Variants in MMD2 observed in about 807,000 individuals in gnomAD.
The protein encoded by MMD2 is monocyte to macrophage differentiation factor 2.
In MMD2, 30 loss-of-function variants were observed where a neutral mutation model predicts 33.5. The ratio of observed to expected loss-of-function variants is 0.90; its 90% confidence interval spans 0.67 to 1.22. The LOEUF (loss-of-function observed/expected upper bound fraction) is 1.22, where lower values mean the gene tolerates loss of function less well. MMD2 is among the 50% of genes most tolerant of loss of function. The probability of loss-of-function intolerance (pLI) is 0.00; values close to 1 mark genes in which losing one functional copy is unlikely to be tolerated. For synonymous variants in MMD2, 129 were observed against 123.0 expected (o/e 1.05, Z -0.32); for missense variants, 364 against 325.4 (o/e 1.12, Z -0.91).
intron 4 of MMD2, among the ~76,000 whole-genome samples, chr7:4,911,897 C>G (rs891792950): frequency 2.6e-5 from 4 of 151,950 alleles, no homozygotes; most frequent in African/African-American, 7.2e-5. Context: ...ATCCACTCAC[C>G]TTGACCTCCC....
intron 2 of MMD2, 100 bp from the exon 3 acceptor site, chr7:4,920,431 C>A (rs879606628): frequency 1.9e-5 from 24 of 1,242,968 alleles, no homozygotes; most frequent in East Asian, 7.7e-5. Context: ...TGGCAGCACT[C>A]GGCTCTTGAA....
chr7:4,938,990 C>T (rs1466607000), intron 1 of MMD2, among the ~76,000 whole-genome samples: 1 of 151,818 alleles, frequency 6.6e-6, no homozygotes, highest in Non-Finnish European at 1.5e-5. Context: ...GGTGGATTAC[C>T]TGAGGTCGGG....
At chr7:4,925,387 C>T in intron 2 of MMD2, 64 bp downstream of exon 2, 3 of 1,324,340 alleles carry the variant, frequency 2.3e-6, no homozygotes, top group East Asian at 5.1e-5. Context: ...GAGGTGACTT[C>T]CCCCACCCCC....
chr7:4,913,500 C>T (rs948986102), intron 4 of MMD2, among the ~76,000 whole-genome samples: 5 of 151,940 alleles, frequency 3.3e-5, no homozygotes, highest in African/African-American at 1.2e-4. Context: ...GTGGATCCAC[C>T]TGTGGTCAGG....
At chr7:4,898,716 T>C in the MMD2 span, among the ~76,000 whole-genome samples, 1 of 152,088 alleles carries the variant, frequency 6.6e-6, no homozygotes, top group Non-Finnish European at 1.5e-5. Context: ...CTGGCCAACA[T>C]GGCGAAACCC....
At chr7:4,919,182 C>T (rs1327100134) in intron 3 of MMD2, among the ~76,000 whole-genome samples, 1 of 152,130 alleles carries the variant, frequency 6.6e-6, no homozygotes, top group African/African-American at 2.4e-5. Flanking sequence ...GGGAATGGCG[C>T]CTGTAGCATG....
the MMD2 span, among the ~76,000 whole-genome samples, chr7:4,892,329 T>C: frequency 6.6e-6 from 1 of 152,118 alleles, no homozygotes; most frequent in Non-Finnish European, 1.5e-5. Context: ...GGCTCACGCC[T>C]GTAATCCCAG....
chr7:4,909,403 C>T (rs1046128822), intron 6 of MMD2, among the ~76,000 whole-genome samples: 1 of 146,508 alleles, frequency 6.8e-6, no homozygotes, highest in Non-Finnish European at 1.5e-5. Context: ...CAAGACCATC[C>T]TAGGCAGCAC....
chr7:4,909,813 G>C (rs750815652), intron 6 of MMD2, 68 bp downstream of exon 6: 1 of 1,551,614 alleles, frequency 6.4e-7, no homozygotes, highest in African/African-American at 1.4e-5. Context: ...AATCTCAACA[G>C]CCAGGTCCAG....
At chr7:4,947,722 C>T (rs1299662013) in intron 1 of MMD2, among the ~76,000 whole-genome samples, 2 of 77,250 alleles carry the variant, frequency 2.6e-5, no homozygotes, top group East Asian at 4.4e-4. Context: ...TTTTTTGAGA[C>T]AGAATTTTGC....
chr7:4,903,940 CT>C (rs775137042), downstream of MMD2, among the ~76,000 whole-genome samples: 11 of 151,216 alleles, frequency 7.3e-5, no homozygotes, highest in East Asian at 9.7e-4. Flanking sequence ...CCTCCCCACC[CT>C]TTTTTTTTGA....
chr7:4,955,276 T>A lies in MMD2; in HGVS notation c.47+3695A>T, dbSNP rs1786352777. Among the ~76,000 whole-genome samples, 3 of 152,254 alleles carry A rather than the reference T, an allele frequency of 2.0e-5. No homozygotes were observed. In the South Asian group the frequency reaches 6.2e-4, roughly 31 times the overall value. On this transcript the variant is annotated intron_variant, in intron 1 of 6. Coordinates refer to ENST00000401401, the MANE Select transcript of MMD2 (RefSeq NM_198403.4). ...AATTCTTACAGCTTTATGATATGAATGTTTCTTGATGTAGAAAAGCCATTC... is the reference window on the plus strand; with the variant it reads ...AATTCTTACAGCTTTATGATATGAAAGTTTCTTGATGTAGAAAAGCCATTC...
chr7:4,946,069 T>G lies in MMD2; in HGVS notation c.47+12902A>C, dbSNP rs933468997. ...CCTCTCTGGGGCAAAATGCACACAC[T>G]CACACGCACGCACACGCACGCACAC... On this transcript the variant is annotated intron_variant, in intron 1 of 6. Transcript: ENST00000401401. This position sits in a 1 kb window ranked among gnomAD's most constrained non-coding sequence, Gnocchi z 5.0. Among the ~76,000 whole-genome samples, 2 of 151,404 alleles carry G rather than the reference T, an allele frequency of 1.3e-5. No homozygotes were observed. The highest frequency in any genetic ancestry group is 4.9e-5 in the African/African-American group (2 of 41,212).
intron 1 of MMD2, among the ~76,000 whole-genome samples, chr7:4,932,707 C>T (rs2115125168): frequency 6.6e-6 from 1 of 151,102 alleles, no homozygotes; most frequent in Admixed American, 6.6e-5. Flanking sequence ...ACTGCAGCTT[C>T]CACCTCTTGG....
the MMD2 span, among the ~76,000 whole-genome samples, chr7:4,894,555 C>G: frequency 6.6e-6 from 1 of 152,166 alleles, no homozygotes; most frequent in Non-Finnish European, 1.5e-5. The surrounding 1 kb of genome is among the most constrained non-coding windows in gnomAD (Gnocchi z 4.3). Context: ...CCTAATCACC[C>G]CAGGGCCAGG....
At chr7:4,931,131 G>A (rs1008256116) in intron 1 of MMD2, among the ~76,000 whole-genome samples, 4 of 152,052 alleles carry the variant, frequency 2.6e-5, no homozygotes, top group South Asian at 2.1e-4. Flanking sequence ...GGTTACAGGC[G>A]TGAGCCACTG....
downstream of MMD2, among the ~76,000 whole-genome samples, chr7:4,902,034 C>T (rs531927632): frequency 1.3e-5 from 2 of 152,200 alleles, no homozygotes; most frequent in African/African-American, 4.8e-5. Flanking sequence ...TCATTGCAAC[C>T]TCTGCCTCCC....
intron 1 of MMD2, among the ~76,000 whole-genome samples, chr7:4,950,510 C>T (rs1054191267): frequency 6.6e-6 from 1 of 152,148 alleles, no homozygotes; most frequent in Non-Finnish European, 1.5e-5. Flanking sequence ...TCCCTACCCA[C>T]CCTCACCTGC....
rs1786254005 is a variant in MMD2, at chr7:4,951,895, C to T, written c.47+7076G>A. Among the ~76,000 whole-genome samples, 3 of 152,138 alleles carry T rather than the reference C, an allele frequency of 2.0e-5. No homozygotes were observed. The South Asian group carries it at 6.2e-4, about 32-fold the overall frequency. Reference sequence around the variant, plus strand: ...GACTACAGGTACGTGCTACCATGCCCAGCTAATTTTTTGCCTTTTTTTGGA... The same window carrying T: ...GACTACAGGTACGTGCTACCATGCCTAGCTAATTTTTTGCCTTTTTTTGGA... On this transcript the variant is annotated intron_variant, in intron 1 of 6. Coordinates refer to ENST00000401401, the MANE Select transcript of MMD2 (RefSeq NM_198403.4).
Sources: gnomAD v4.1 joint callset for allele counts (sites outside exome capture counted in the v4.1 genomes callset) on GRCh38, gnomAD v4.1.1 for gene constraint, Gnocchi (gnomAD v3.1) non-coding constraint, MANE v1.5 for transcripts, NCBI Gene and HGNC (gene_info 2026-07-23, HGNC 2026-07-21) for gene names.